Variants in TENM2 observed in about 807,000 individuals in gnomAD.
TENM2 encodes teneurin transmembrane protein 2, also known as teneurin-2.
TENM2 carries 52 observed loss-of-function variants against 245.2 expected under a neutral mutation model. The ratio of observed to expected loss-of-function variants is 0.21; its 90% CI spans 0.17 to 0.27. The LOEUF is 0.27. TENM2 is among the 10% of genes least tolerant of loss of function. The pLI is 1.00. For missense variants in TENM2, 3,046 were observed against 3,666.8 expected, an observed-to-expected ratio of 0.83 and a Z score of 4.37; for synonymous variants, 1,363 against 1,438.9, an observed-to-expected ratio of 0.95 and a Z score of 1.19.
At chr5:167,520,487 C>T (rs1770679394) in intron 2 of TENM2, among the ~76,000 whole-genome samples, 2 of 151,980 alleles carry the variant, frequency 1.3e-5, no homozygotes, top group South Asian at 4.1e-4. Flanking sequence ...GAGGGTAAGG[C>T]TTTTGTATGA....
the TENM2 span, among the ~76,000 whole-genome samples, chr5:167,190,930 G>A: frequency 6.6e-6 from 1 of 151,978 alleles, no homozygotes; most frequent in Non-Finnish European, 1.5e-5. Flanking sequence ...TTGTTAATTT[G>A]CATATACATG....
At chr5:167,949,146 G>A (rs759984698) in intron 3 of TENM2, among the ~76,000 whole-genome samples, 1 of 152,126 alleles carries the variant, frequency 6.6e-6, no homozygotes, top group African/African-American at 2.4e-5. Flanking sequence ...ACTATTAGGC[G>A]TCAGTAACAT....
chr5:167,479,313 A>G (rs1209046137), intron 2 of TENM2, among the ~76,000 whole-genome samples: 1 of 152,160 alleles, frequency 6.6e-6, no homozygotes, highest in Non-Finnish European at 1.5e-5. Flanking sequence ...ATTCCTTCAT[A>G]AGTTATTGGT....
intron 2 of TENM2, among the ~76,000 whole-genome samples, chr5:167,431,947 A>ATTTATATATATATT (rs1764258493): frequency 7.4e-6 from 1 of 134,522 alleles, no homozygotes; most frequent in Non-Finnish European, 1.5e-5. Context: ...ATACATATAT[A>ATTTATATATATATT]TGTATATATA....
the TENM2 span, among the ~76,000 whole-genome samples, chr5:167,068,480 C>A: frequency 1.3e-5 from 2 of 152,124 alleles, no homozygotes; most frequent in Non-Finnish European, 2.9e-5. Flanking sequence ...TTTATTTAAC[C>A]TGAGATACCA....
intron 7 of TENM2, among the ~76,000 whole-genome samples, chr5:168,076,270 G>A (rs1355403001): frequency 6.6e-6 from 1 of 151,122 alleles, no homozygotes; most frequent in Non-Finnish European, 1.5e-5. Flanking sequence ...CTGTCACCCA[G>A]GCTGGAATGC....
intron 3 of TENM2, among the ~76,000 whole-genome samples, chr5:167,930,731 A>G (rs1778212871): frequency 6.6e-6 from 1 of 152,064 alleles, no homozygotes; most frequent in Non-Finnish European, 1.5e-5. Context: ...CCAGTTTCTG[A>G]CAGAGTGAAT....
chr5:167,708,212 T>C (rs534258470), intron 2 of TENM2, among the ~76,000 whole-genome samples: 185 of 151,586 alleles, frequency 1.2e-3, no homozygotes, highest in Non-Finnish European at 2.2e-3. Flanking sequence ...GAAGAGTGTA[T>C]GCTACGGGGA....
intron 2 of TENM2, among the ~76,000 whole-genome samples, chr5:167,495,061 T>A (rs1768719051): frequency 6.6e-6 from 1 of 152,082 alleles, no homozygotes; most frequent in African/African-American, 2.4e-5. Flanking sequence ...TTGTAATAAT[T>A]TAAAATGAAC....
At chr5:168,211,621 A>G (rs967610792) in intron 19 of TENM2, 113 bp from the exon 22 acceptor site, 1 of 657,186 alleles carries the variant, frequency 1.5e-6, no homozygotes, top group African/African-American at 1.9e-5. Flanking sequence ...AAAGAAAAAG[A>G]CTGCCTTTTT....
chr5:167,977,901 G>A (rs1782557352), intron 4 of TENM2, among the ~76,000 whole-genome samples: 1 of 152,164 alleles, frequency 6.6e-6, no homozygotes, highest in Non-Finnish European at 1.5e-5. Flanking sequence ...GGGCCCTGGT[G>A]GGAGGTGTTT....
the TENM2 span, among the ~76,000 whole-genome samples, chr5:167,126,258 G>A: frequency 6.6e-6 from 1 of 152,196 alleles, no homozygotes; most frequent in African/African-American, 2.4e-5. Context: ...GATATGAATA[G>A]ATGATTGGGC....
chr5:167,029,782 A>G, the TENM2 span, among the ~76,000 whole-genome samples: 1 of 152,152 alleles, frequency 6.6e-6, no homozygotes. Context: ...TTGATCCTTA[A>G]TGAATGTTAC....
chr5:167,019,219 A>G, the TENM2 span, among the ~76,000 whole-genome samples: 3 of 152,126 alleles, frequency 2.0e-5, no homozygotes, highest in East Asian at 5.8e-4. Context: ...AAAAAGTATT[A>G]GCAATTGAAT....
chr5:167,357,471 C>T (rs1304440687), intron 1 of TENM2, among the ~76,000 whole-genome samples: 2 of 151,754 alleles, frequency 1.3e-5, no homozygotes, highest in African/African-American at 2.4e-5. Flanking sequence ...TTAGTAGAGA[C>T]GGGATCTGGA....
At chr5:167,386,783 T>A (rs1561914581) in intron 2 of TENM2, among the ~76,000 whole-genome samples, 1 of 152,094 alleles carries the variant, frequency 6.6e-6, no homozygotes, top group Admixed American at 6.6e-5. Context: ...TTTCCCCACT[T>A]TATGTTTTTG....
chr5:167,809,172 G>A (rs1380034202), intron 2 of TENM2, among the ~76,000 whole-genome samples: 2 of 152,128 alleles, frequency 1.3e-5, no homozygotes, highest in African/African-American at 4.8e-5. Flanking sequence ...TCCACAGTTG[G>A]CTTCAACCCT....
At chr5:167,721,429 C>T (rs1213060717) in intron 2 of TENM2, 1 of 152,190 alleles carries the variant, frequency 6.6e-6, no homozygotes, top group Non-Finnish European at 1.5e-5. Context: ...GACTGGATTT[C>T]CACTGGGCTA....
intron 2 of TENM2, among the ~76,000 whole-genome samples, chr5:167,613,322 C>T (rs1379164567): frequency 6.6e-6 from 1 of 151,830 alleles, no homozygotes; most frequent in Non-Finnish European, 1.5e-5. Context: ...CTGTTATCAT[C>T]ACAAACCAGG....
Sources: gnomAD v4.1 joint callset for allele counts (sites outside exome capture counted in the v4.1 genomes callset) on GRCh38, gnomAD v4.1.1 for gene constraint, MANE v1.5 for transcripts, NCBI Gene and HGNC (gene_info 2026-07-23, HGNC 2026-07-21) for gene names.